The following MRTFB variants were observed in gnomAD, a reference collection of about 807,000 sequenced individuals.
MRTFB encodes the protein myocardin-related transcription factor B.
Under a neutral mutation model 104.2 loss-of-function variants are expected in MRTFB, and 29 were observed. The observed-to-expected ratio is 0.28, with a 90% CI of 0.21 to 0.38. MRTFB has a LOEUF of 0.38. MRTFB is among the 10% of genes least tolerant of loss of function. The pLI, the probability that MRTFB is intolerant of heterozygous loss-of-function variation, is 1.00. For missense variants in MRTFB, 1,270 were observed against 1,341.6 expected, an observed-to-expected ratio of 0.95 and a Z score of 0.83; for synonymous variants, 535 against 519.5, an observed-to-expected ratio of 1.03 and a Z score of -0.41.
intron 5 of MRTFB, 111 bp downstream of exon 5, chr16:14,212,520 A>G: frequency 1.0e-6 from 1 of 968,864 alleles, no homozygotes; most frequent in Admixed American, 2.2e-5. Context: ...TAGAGAAAAA[A>G]TAGTGTATTT....
At chr16:14,050,827 G>A in the MRTFB span, among the ~76,000 whole-genome samples, 3 of 152,118 alleles carry the variant, frequency 2.0e-5, no homozygotes, top group Admixed American at 1.3e-4. Context: ...TGCTCTTGGA[G>A]GTCTCGATAA....
intron 3 of MRTFB, among the ~76,000 whole-genome samples, chr16:14,205,767 T>C (rs1486798975): frequency 1.3e-5 from 2 of 152,236 alleles, no homozygotes; most frequent in African/African-American, 2.4e-5. Context: ...GTGTATCCTT[T>C]TCTTGCATGA....
chr16:14,189,456 T>A (rs2040080911), intron 3 of MRTFB, among the ~76,000 whole-genome samples: 2 of 152,362 alleles, frequency 1.3e-5, no homozygotes, highest in African/African-American at 4.8e-5. Context: ...TACTTTTGGT[T>A]AATGTTTTAC....
chr16:14,086,360 T>C (rs995372763), intron 2 of MRTFB, among the ~76,000 whole-genome samples: 1 of 152,208 alleles, frequency 6.6e-6, no homozygotes, highest in African/African-American at 2.4e-5. Flanking sequence ...CATGAGCTAG[T>C]TTTAATCAGT....
At chr16:14,084,312 T>A (rs1185804210) in intron 2 of MRTFB, among the ~76,000 whole-genome samples, 1 of 152,050 alleles carries the variant, frequency 6.6e-6, no homozygotes, top group Non-Finnish European at 1.5e-5. Flanking sequence ...CTGAGGCAGG[T>A]AAACTGCTTG....
intron 2 of MRTFB, among the ~76,000 whole-genome samples, chr16:14,111,771 C>G (rs929821715): frequency 6.6e-5 from 10 of 152,152 alleles, no homozygotes; most frequent in African/African-American, 2.4e-4. Context: ...CTGGTTCCCC[C>G]TTTTTCTCGG....
chr16:14,004,490 C>G, the MRTFB span, among the ~76,000 whole-genome samples: 8 of 152,186 alleles, frequency 5.3e-5, no homozygotes, highest in African/African-American at 1.7e-4. Flanking sequence ...GTGCTCTGAC[C>G]TCCTTTGGGG....
the MRTFB span, among the ~76,000 whole-genome samples, chr16:14,042,299 A>G: frequency 2.9e-4 from 44 of 151,964 alleles, no homozygotes; most frequent in Non-Finnish European, 6.2e-4. Context: ...CTAAGTTTGT[A>G]TTTTTAGTAG....
At chr16:14,259,282 A>C (rs753554144) in intron 16 of MRTFB, among the ~76,000 whole-genome samples, 208 of 150,752 alleles carry the variant, frequency 1.4e-3, no homozygotes, top group Admixed American at 3.9e-3. Flanking sequence ...CTAAAAATAC[A>C]AAAATTAGCA....
chr16:14,222,032 G>A (rs970638137), intron 8 of MRTFB, among the ~76,000 whole-genome samples: 3 of 151,986 alleles, frequency 2.0e-5, no homozygotes, highest in Non-Finnish European at 4.4e-5. Context: ...TGCCCACCTC[G>A]CCCTCCCAAA....
At chr16:14,021,307 G>A in the MRTFB span, among the ~76,000 whole-genome samples, 1 of 152,158 alleles carries the variant, frequency 6.6e-6, no homozygotes, top group African/African-American at 2.4e-5. Context: ...TTCTGCTGGG[G>A]GCTGGTCTTT....
intron 7 of MRTFB, 88 bp downstream of exon 7, chr16:14,217,375 G>C: frequency 9.1e-7 from 1 of 1,096,900 alleles, no homozygotes; most frequent in South Asian, 2.2e-5. Flanking sequence ...GGCTAGCACC[G>C]ATCGTGAGTA....
At chr16:14,213,026 G>A (rs1220434831) in intron 5 of MRTFB, among the ~76,000 whole-genome samples, 2 of 152,124 alleles carry the variant, frequency 1.3e-5, no homozygotes, top group African/African-American at 2.4e-5. Flanking sequence ...ATTTTCTTAA[G>A]AATTTTTCTA....
At chr16:14,157,069 T>G (rs1020265557) in intron 3 of MRTFB, among the ~76,000 whole-genome samples, 1 of 152,244 alleles carries the variant, frequency 6.6e-6, no homozygotes, top group Non-Finnish European at 1.5e-5. Context: ...TCATCTCTTT[T>G]CTATAGTTTG....
At chr16:14,240,664 C>A in intron 10 of MRTFB, 180 bp downstream of exon 10, 1 of 1,047,372 alleles carries the variant, frequency 9.5e-7, no homozygotes, top group Non-Finnish European at 1.5e-6. Context: ...GGCCTGCATT[C>A]CATTCCAGTT....
rs541285262 is a variant in MRTFB, at chr16:14,099,876, C to G, written c.-64+20522C>G. Among the ~76,000 whole-genome samples the G allele has an allele frequency of 4.3e-3, 653 of 152,184 alleles. 3 individuals carry two copies. The highest frequency in any genetic ancestry group is 0.015 in the African/African-American group (626 of 41,522). On this transcript the variant is annotated intron_variant, in intron 2 of 16. Transcript: ENST00000571589. Reference sequence around the variant, plus strand: ...AGAGATGGGATTTCACTGTGTTGGCCAGGCTGGTCTCGAACTCCTGACCTC... The same window carrying G: ...AGAGATGGGATTTCACTGTGTTGGCGAGGCTGGTCTCGAACTCCTGACCTC...
At chr16:14,100,071 A>C (rs1002332944) in intron 2 of MRTFB, among the ~76,000 whole-genome samples, 2 of 152,148 alleles carry the variant, frequency 1.3e-5, no homozygotes, top group African/African-American at 4.8e-5. Context: ...TTCCTTTCTA[A>C]TCTGAGTGCC....
chr16:14,245,706 A>G (rs983527604), intron 11 of MRTFB, 46 bp downstream of exon 11: 1 of 1,575,702 alleles, frequency 6.3e-7, no homozygotes, highest in Admixed American at 2.0e-5. Context: ...TACCACAAAC[A>G]TGTAAATGAT....
Position 14,251,893 on chromosome 16 carries a change from T to C in MRTFB, c.2435T>C (p.Val812Ala), listed in dbSNP as rs1357157746. 28 of 1,614,176 alleles carry C rather than the reference T, an allele frequency of 1.7e-5. No homozygotes were observed. The highest frequency in any genetic ancestry group is 2.4e-5 in the Non-Finnish European group (28 of 1,180,020). Residue 812 changes from valine (V) to alanine (A), a missense_variant, in exon 14 of 17, where the codon GTT becomes GCT. Val to Ala is a moderately conservative substitution (Grantham distance 64, BLOSUM62 0). Coordinates refer to ENST00000571589, the MANE Select transcript of MRTFB (RefSeq NM_001308142.2). The part of the protein sequence containing the change: ...VFTNSASSNT[V>A]LPYQRHPAPA... The stretch of plus-strand genomic sequence containing the variant: ...ACAAACTCAGCATCATCAAATACAG[T>C]TCTTCCATATCAGAGACATCCTGCC...
Sources: gnomAD v4.1 joint callset for allele counts (sites outside exome capture counted in the v4.1 genomes callset) on GRCh38, gnomAD v4.1.1 for gene constraint, MANE v1.5 for transcripts, NCBI Gene and HGNC (gene_info 2026-07-23, HGNC 2026-07-21) for gene names.